The following MYRIP variants were observed in gnomAD, a reference collection of about 807,000 sequenced individuals.
The protein encoded by MYRIP is myosin VIIA and Rab interacting protein, also known as rab effector MyRIP.
A neutral mutation model predicts 98.0 loss-of-function variants in MYRIP; 49 were observed. The observed-to-expected ratio is 0.50, with a 90% CI of 0.40 to 0.63. The LOEUF (loss-of-function observed/expected upper bound fraction) is 0.63. MYRIP is among the 30% of genes least tolerant of loss of function. The probability of loss-of-function intolerance (pLI) is 0.00; values close to 1 mark genes in which losing one functional copy is unlikely to be tolerated. For synonymous variants in MYRIP, 404 were observed against 409.5 expected (o/e 0.99, Z 0.16); for missense variants, 1,004 against 1,058.2 (o/e 0.95, Z 0.71).
chr3:40,133,290 C>G (rs1575563630), intron 3 of MYRIP, among the ~76,000 whole-genome samples: 1 of 152,324 alleles, frequency 6.6e-6, no homozygotes, highest in South Asian at 2.1e-4. Flanking sequence ...GTGCTCACAT[C>G]TTAGGTATAC....
At chr3:40,218,294 T>C (rs1165635557) in intron 11 of MYRIP, among the ~76,000 whole-genome samples, 3 of 151,962 alleles carry the variant, frequency 2.0e-5, no homozygotes. Flanking sequence ...AACAGCATTA[T>C]GCTGCGGGAA....
chr3:39,951,600 C>T (rs1320391432), intron 2 of MYRIP, among the ~76,000 whole-genome samples: 1 of 152,090 alleles, frequency 6.6e-6, no homozygotes, highest in Non-Finnish European at 1.5e-5. Context: ...ACTTTGTGAA[C>T]ATTAAATTTG....
intron 1 of MYRIP, among the ~76,000 whole-genome samples, chr3:39,878,165 T>C (rs541296620): frequency 6.6e-6 from 1 of 152,320 alleles, no homozygotes; most frequent in East Asian, 1.9e-4. Flanking sequence ...CGGGATATAA[T>C]CTCCTGGTGT....
intron 10 of MYRIP, among the ~76,000 whole-genome samples, chr3:40,207,844 T>G (rs1334409541): frequency 6.6e-6 from 1 of 152,200 alleles, no homozygotes; most frequent in East Asian, 1.9e-4. Context: ...GTCTGAGATT[T>G]CAATAATATA....
chr3:39,880,153 C>T (rs1037154371), intron 1 of MYRIP, among the ~76,000 whole-genome samples: 61 of 152,204 alleles, frequency 4.0e-4, no homozygotes, highest in African/African-American at 1.4e-3. Context: ...CTGTGCTGCA[C>T]CCATTAACTC....
chr3:39,813,311 C>A (rs1045586857), intron 1 of MYRIP, among the ~76,000 whole-genome samples: 3 of 152,162 alleles, frequency 2.0e-5, no homozygotes, highest in African/African-American at 7.2e-5. Context: ...ATGGAGAAGG[C>A]TAAGTGGACC....
intron 2 of MYRIP, among the ~76,000 whole-genome samples, chr3:39,915,691 T>A (rs990846419): frequency 6.6e-6 from 1 of 151,798 alleles, no homozygotes. Flanking sequence ...AATTCATATA[T>A]CTTATCTCCT....
At chr3:40,224,610 G>C (rs1252200501) in intron 11 of MYRIP, among the ~76,000 whole-genome samples, 1 of 152,084 alleles carries the variant, frequency 6.6e-6, no homozygotes, top group Non-Finnish European at 1.5e-5. Context: ...ACAAGAAAAT[G>C]ACCTCAGGGA....
intron 3 of MYRIP, among the ~76,000 whole-genome samples, chr3:40,066,141 T>C (rs1241997259): frequency 6.6e-6 from 1 of 152,118 alleles, no homozygotes; most frequent in Non-Finnish European, 1.5e-5. Flanking sequence ...TTCAGAGAAA[T>C]AGAGGTGGGA....
intron 2 of MYRIP, among the ~76,000 whole-genome samples, chr3:39,909,923 A>C (rs1447106170): frequency 6.6e-6 from 1 of 151,684 alleles, no homozygotes; most frequent in Admixed American, 6.6e-5. Flanking sequence ...ACAGAGTCTC[A>C]CTCTGTCACC....
At chr3:39,904,177 A>T (rs1231884051) in intron 2 of MYRIP, among the ~76,000 whole-genome samples, 2 of 152,166 alleles carry the variant, frequency 1.3e-5, no homozygotes, top group South Asian at 4.1e-4. Context: ...AACAATTTAG[A>T]TCTTTTCCAA....
intron 1 of MYRIP, among the ~76,000 whole-genome samples, chr3:39,819,105 T>C (rs1371825113): frequency 6.6e-6 from 1 of 152,162 alleles, no homozygotes; most frequent in African/African-American, 2.4e-5. Flanking sequence ...TTCCAACACT[T>C]TGGGAGGCCG....
rs189421221 is a variant in MYRIP at position 40,001,546 on chromosome 3, C to T, written c.111-42504C>T. ...GGAATCATTCAAGTCTTTCACCTTT[C>T]GAGTTAGAGAACCACATAATAGTAA... On this transcript the variant is annotated intron_variant, in intron 2 of 16. Coordinates refer to ENST00000302541, the MANE Select transcript of MYRIP (RefSeq NM_015460.4). 9.2e-5 allele frequency among the ~76,000 whole-genome samples: 14 copies of T among 152,300 alleles called. No individual in the cohort carries two copies. The East Asian group carries it at 2.3e-3, about 25-fold the overall frequency.
At chr3:39,823,799 G>T (rs747255280) in intron 1 of MYRIP, among the ~76,000 whole-genome samples, 2 of 151,838 alleles carry the variant, frequency 1.3e-5, no homozygotes, top group Non-Finnish European at 2.9e-5. Context: ...TCTGTAGGTT[G>T]TCTTATCACT....
intron 16 of MYRIP, among the ~76,000 whole-genome samples, chr3:40,255,715 G>C (rs1441817290): frequency 1.3e-5 from 2 of 152,146 alleles, no homozygotes; most frequent in African/African-American, 4.8e-5. Flanking sequence ...CACAATTTAT[G>C]GTGCAACGGT....
intron 11 of MYRIP, among the ~76,000 whole-genome samples, chr3:40,218,612 T>TATATA (rs1553629190): frequency 6.6e-4 from 9 of 13,566 alleles, no homozygotes; most frequent in Non-Finnish European, 1.1e-3. Context: ...TATATATATT[T>TATATA]TATATATATA....
At chr3:40,087,948 A>G (rs2125879497) in intron 3 of MYRIP, among the ~76,000 whole-genome samples, 1 of 152,242 alleles carries the variant, frequency 6.6e-6, no homozygotes, top group African/African-American at 2.4e-5. Flanking sequence ...TTGTGTTTGT[A>G]AGTGGGGACA....
intron 10 of MYRIP, among the ~76,000 whole-genome samples, chr3:40,202,410 C>T (rs759372976): frequency 1.2e-4 from 19 of 152,050 alleles, no homozygotes; most frequent in Admixed American, 2.0e-4. Context: ...TTTTTAATTA[C>T]GGTAGGCTGG....
At position 39,875,799 on chromosome 3, in the gene MYRIP, G is replaced by GA. The variant is rs1211553989; in HGVS notation, c.-30-24981dup. ...TTTGGAATAGGTGTGGTGTGGTGCT[G>GA]AAAAAAATGTATATTCTGTTGATTT... On this transcript the variant is annotated intron_variant, in intron 1 of 16. Transcript: ENST00000302541. 8.2e-4 allele frequency among the ~76,000 whole-genome samples: 124 copies of GA among 151,726 alleles called. 2 individuals are homozygous for GA. Among genetic ancestry groups the GA allele is most frequent in the African/African-American group, 2.7e-3 (110 of 41,166 alleles).
Sources: allele counts gnomAD v4.1 joint callset (sites outside exome capture counted in the v4.1 genomes callset), GRCh38; gene constraint gnomAD v4.1.1; transcripts MANE v1.5; gene names NCBI Gene and HGNC (gene_info 2026-07-23, HGNC 2026-07-21).